PARD3B: variants seen among roughly 807,000 people sequenced by gnomAD.
PARD3B encodes partitioning defective 3 homolog B.
PARD3B carries 103 observed loss-of-function variants against 130.2 expected under a neutral mutation model. The observed-to-expected ratio is 0.79, with a 90% CI of 0.67 to 0.93. PARD3B has a LOEUF of 0.93. PARD3B is among the 40% of genes least tolerant of loss of function. PARD3B has a pLI of 0.00. For synonymous variants in PARD3B, 583 were observed against 553.2 expected (o/e 1.05, Z -0.76); for missense variants, 1,609 against 1,499.2 (o/e 1.07, Z -1.21).
At chr2:205,552,548 A>G (rs1364709016) in intron 21 of PARD3B, among the ~76,000 whole-genome samples, 1 of 152,056 alleles carries the variant, frequency 6.6e-6, no homozygotes, top group Non-Finnish European at 1.5e-5. Flanking sequence ...AACTGGGACT[A>G]CAGGCGTGCA....
chr2:205,291,255 A>G lies in PARD3B; in HGVS notation c.2186-9275A>G, dbSNP rs1186822091. 6.6e-6 allele frequency among the ~76,000 whole-genome samples: 1 copy of G among 152,216 alleles called. No individual in the cohort carries two copies. Among genetic ancestry groups the G allele is most frequent in the Non-Finnish European group, 1.5e-5 (1 of 68,028 alleles). On this transcript the variant is annotated intron_variant, in intron 16 of 22. Coordinates refer to ENST00000406610, the MANE Select transcript of PARD3B (RefSeq NM_001302769.2). The surrounding 1 kb of genome is among the most constrained non-coding windows in gnomAD (Gnocchi z 4.6). ...AAAACAAACAAAAAAAGCAACAGCA[A>G]CGACAAAAAACACCAACACCACCAA...
rs144538317 is a variant in PARD3B, at chr2:205,454,179, T to C, written c.3044+13507T>C. Among the ~76,000 whole-genome samples, 220 of 152,084 alleles carry C rather than the reference T, an allele frequency of 1.4e-3. 2 individuals are homozygous for C. Among genetic ancestry groups the C allele is most frequent in the African/African-American group, 4.7e-3 (193 of 41,484 alleles). ...TCTGCCACACTTACTCCAGGCCTCT[T>C]GTGACCTGTGCTTTGCATTAATCTC... is the stretch of plus-strand genomic sequence containing the variant. On this transcript the variant is annotated intron_variant, in intron 20 of 22. Transcript: ENST00000406610.
At chr2:205,060,777 A>G (rs1011160143) in intron 4 of PARD3B, among the ~76,000 whole-genome samples, 1 of 152,224 alleles carries the variant, frequency 6.6e-6, no homozygotes, top group African/African-American at 2.4e-5. Flanking sequence ...ATATGCATAC[A>G]TATAAAAACT....
intron 2 of PARD3B, among the ~76,000 whole-genome samples, chr2:204,948,721 T>A (rs191451646): frequency 6.6e-6 from 1 of 152,314 alleles, no homozygotes; most frequent in African/African-American, 2.4e-5. Flanking sequence ...CTATTTTCCC[T>A]CTTGATTCAG....
chr2:204,755,386 C>T (rs1015385877), intron 2 of PARD3B, among the ~76,000 whole-genome samples: 7 of 152,096 alleles, frequency 4.6e-5, no homozygotes, highest in Admixed American at 4.6e-4. Context: ...TAAAACCCTT[C>T]AGATGTCATT....
rs1365843017 is a variant in PARD3B, at chr2:205,160,452, T to C, written c.1620+1545T>C. Reference sequence around the variant, plus strand: ...GTGGGTGAATCCGCGGGCTCCAAGCTAGCACACTGTCACCCCACACATAGG... The same window carrying C: ...GTGGGTGAATCCGCGGGCTCCAAGCCAGCACACTGTCACCCCACACATAGG... On this transcript the variant is annotated intron_variant, in intron 11 of 22. Coordinates refer to ENST00000406610, the MANE Select transcript of PARD3B (RefSeq NM_001302769.2). This position sits in a 1 kb window ranked among gnomAD's most constrained non-coding sequence, Gnocchi z 4.0. 1.3e-5 allele frequency among the ~76,000 whole-genome samples: 2 copies of C among 152,146 alleles called. No individual in the cohort carries two copies. The highest frequency in any genetic ancestry group is 6.5e-5 in the Admixed American group (1 of 15,276).
intron 13 of PARD3B, among the ~76,000 whole-genome samples, chr2:205,181,661 A>G (rs1453298533): frequency 6.6e-6 from 1 of 152,220 alleles, no homozygotes; most frequent in Non-Finnish European, 1.5e-5. Flanking sequence ...CCTGTTGTCT[A>G]AAGTTACAAT....
At chr2:205,178,376 C>A (rs1427469479) in intron 13 of PARD3B, among the ~76,000 whole-genome samples, 2 of 151,922 alleles carry the variant, frequency 1.3e-5, no homozygotes, top group Non-Finnish European at 2.9e-5. Context: ...TGGTGTAAAC[C>A]CAGGAGGCGG....
rs190821232 is a variant in PARD3B, at chr2:204,763,478, G to A, written c.222+77196G>A. Among the ~76,000 whole-genome samples the A allele has an allele frequency of 4.3e-3, 659 of 152,228 alleles. 11 individuals are homozygous for A. The highest frequency in any genetic ancestry group is 4.9e-3 in the Non-Finnish European group (332 of 68,016). On this transcript the variant is annotated intron_variant, in intron 2 of 22. Transcript: ENST00000406610. The stretch of plus-strand genomic sequence containing the variant: ...AAGACTCAAAATTCTTCAAAATATA[G>A]GAGTAATTTTTTTCCGAAGAGCTAC...
rs538405638 is a variant in PARD3B at position 204,738,459 on chromosome 2, G to A, written c.222+52177G>A. On this transcript the variant is annotated intron_variant, in intron 2 of 22. Transcript: ENST00000406610. ...TGGAACTAATGAGATTGGAATCTGA[G>A]GCTAGAGTATTAGCTTTATATTTTT... is the stretch of plus-strand genomic sequence containing the variant. Among the ~76,000 whole-genome samples, 79 of 152,240 alleles carry A rather than the reference G, an allele frequency of 5.2e-4. No individual in the cohort carries two copies. In the Middle Eastern group the frequency reaches 0.014, roughly 26 times the overall value.
chr2:204,745,219 C>T (rs1014453893), intron 2 of PARD3B, among the ~76,000 whole-genome samples: 56 of 152,160 alleles, frequency 3.7e-4, no homozygotes, highest in African/African-American at 1.2e-3. Context: ...TGGCTTTTCC[C>T]GTGGTAGCAT....
intron 3 of PARD3B, among the ~76,000 whole-genome samples, chr2:204,974,788 A>G (rs1489427720): frequency 6.6e-6 from 1 of 152,232 alleles, no homozygotes; most frequent in Non-Finnish European, 1.5e-5. Context: ...CGATACAGTT[A>G]TGAAAATCAG....
intron 3 of PARD3B, 21 bp from the exon 4 acceptor site, chr2:205,047,560 A>T: frequency 6.6e-7 from 1 of 1,512,800 alleles, no homozygotes; most frequent in Non-Finnish European, 9.0e-7. Context: ...TTGACCTCTC[A>T]CCTCTCACTT....
At position 205,584,760 on chromosome 2, in the gene PARD3B, G is replaced by C. The variant is rs12611947; in HGVS notation, c.3261-30696G>C. 0.93 allele frequency among the ~76,000 whole-genome samples: 141,363 copies of C among 152,296 alleles called. 66,519 individuals are homozygous for C. Among genetic ancestry groups the C allele is most frequent in the East Asian group, 1 (5,188 of 5,188 alleles). ...TCCTGGGGCAGCAATGCTGTAGACT[G>C]TCAAAGAGGCTCCATCTATAAATGG... On this transcript the variant is annotated intron_variant, in intron 22 of 22. Coordinates refer to ENST00000406610, the MANE Select transcript of PARD3B (RefSeq NM_001302769.2). This position sits in a 1 kb window ranked among gnomAD's most constrained non-coding sequence, Gnocchi z 5.5.
intron 4 of PARD3B, among the ~76,000 whole-genome samples, chr2:205,083,334 G>T (rs200686270): frequency 7.1e-6 from 1 of 140,070 alleles, no homozygotes; most frequent in Non-Finnish European, 1.6e-5. Context: ...TTTAAGAATA[G>T]AAAAAAAAAA....
chr2:205,467,289 T>C (rs147749057), intron 20 of PARD3B, among the ~76,000 whole-genome samples: 1 of 152,310 alleles, frequency 6.6e-6, no homozygotes, highest in Non-Finnish European at 1.5e-5. Flanking sequence ...ATTAATTCTG[T>C]GAAATGCCAT....
chr2:205,014,763 A>G (rs1418453557), intron 3 of PARD3B, among the ~76,000 whole-genome samples: 1 of 152,176 alleles, frequency 6.6e-6, no homozygotes, highest in Non-Finnish European at 1.5e-5. Flanking sequence ...TGTAACTGCA[A>G]ACTTTGAGAA....
intron 1 of PARD3B, among the ~76,000 whole-genome samples, chr2:204,579,423 G>A (rs147538943): frequency 4.3e-4 from 66 of 152,154 alleles, no homozygotes; most frequent in African/African-American, 1.5e-3. Flanking sequence ...CAGCAGAGCC[G>A]TGCTGTGACT....
chr2:205,022,570 A>G (rs1311593621), intron 3 of PARD3B, among the ~76,000 whole-genome samples: 1 of 152,162 alleles, frequency 6.6e-6, no homozygotes, highest in Non-Finnish European at 1.5e-5. Context: ...TTTTAGTTAG[A>G]TTACAATAGA....
Sources: allele counts gnomAD v4.1 joint callset (sites outside exome capture counted in the v4.1 genomes callset), GRCh38; gene constraint gnomAD v4.1.1; non-coding constraint Gnocchi (gnomAD v3.1); transcripts MANE v1.5; gene names NCBI Gene and HGNC (gene_info 2026-07-23, HGNC 2026-07-21).